Variants in TNS1 observed in about 807,000 individuals in gnomAD.
The protein encoded by TNS1 is tensin 1.
Under a neutral mutation model 168.6 loss-of-function variants are expected in TNS1, and 62 were observed. That is an observed-to-expected ratio of 0.37 (90% CI 0.30 to 0.45). The LOEUF (loss-of-function observed/expected upper bound fraction) is 0.45, where lower values mean the gene tolerates loss of function less well. Among genes scored for constraint, TNS1 ranks in the 20% least tolerant of loss-of-function variants. The pLI is 1.00. For synonymous variants in TNS1, 934 were observed against 933.2 expected (o/e 1.00, Z -0.02); for missense variants, 2,240 against 2,339.4 (o/e 0.96, Z 0.88).
At chr2:217,906,002 C>G (rs556093324) in intron 6 of TNS1, among the ~76,000 whole-genome samples, 2 of 152,354 alleles carry the variant, frequency 1.3e-5, no homozygotes, top group South Asian at 4.1e-4. Flanking sequence ...CCTTCTCTGC[C>G]TCAGCCCTCG....
chr2:217,912,152 G>A (rs1954486750), intron 4 of TNS1, among the ~76,000 whole-genome samples: 1 of 152,260 alleles, frequency 6.6e-6, no homozygotes, highest in African/African-American at 2.4e-5. Flanking sequence ...GTTGGGGGGT[G>A]GCTGCCAGGA....
In TNS1 at chr2:217,979,080, AG is replaced by A. The variant is rs970268279; in HGVS notation, c.149-279del. On this transcript the variant is annotated intron_variant, in intron 2 of 32. Coordinates refer to ENST00000682258, the MANE Select transcript of TNS1 (RefSeq NM_001387777.1). ...GGGTGCGGGAAGGTGGGGGGAGCAAAGGGGGGGGTCCCCCACTGGACCCCTG... is the reference window on the plus strand; with the variant it reads ...GGGTGCGGGAAGGTGGGGGGAGCAAAGGGGGGGTCCCCCACTGGACCCCTG... 1.2e-3 allele frequency: 434 copies of A among 371,524 alleles called. 1 individual carries two copies. Among genetic ancestry groups the A allele is most frequent in the Admixed American group, 1.7e-3 (40 of 23,180 alleles). 23.0% of individuals were successfully genotyped at this position (371,524 alleles called of 1,614,324 possible).
At chr2:218,001,233 C>G (rs1958557348) in intron 1 of TNS1, among the ~76,000 whole-genome samples, 1 of 152,142 alleles carries the variant, frequency 6.6e-6, no homozygotes, top group African/African-American at 2.4e-5. Flanking sequence ...CCAGACTCTT[C>G]CCCTTACTCT....
intron 18 of TNS1, among the ~76,000 whole-genome samples, chr2:217,856,374 G>C (rs1288263133): frequency 6.6e-6 from 1 of 152,180 alleles, no homozygotes; most frequent in African/African-American, 2.4e-5. Flanking sequence ...TTGGTGGCAG[G>C]GACTTCCTGG....
At chr2:218,017,451 C>A (rs1193340310) in intron 1 of TNS1, among the ~76,000 whole-genome samples, 2 of 152,256 alleles carry the variant, frequency 1.3e-5, no homozygotes, top group Non-Finnish European at 2.9e-5. Context: ...CTGGGAGCCT[C>A]AGTGTCCTCA....
At chr2:218,005,420 C>G (rs943377219), upstream of TNS1, among the ~76,000 whole-genome samples, 3 of 152,220 alleles carry the variant, frequency 2.0e-5, no homozygotes, top group Non-Finnish European at 4.4e-5. Context: ...CCAGAATACC[C>G]CCATCCCTCT....
chr2:217,968,400 C>T (rs1209115147), intron 3 of TNS1, among the ~76,000 whole-genome samples: 1 of 151,990 alleles, frequency 6.6e-6, no homozygotes, highest in Non-Finnish European at 1.5e-5. Context: ...CTAAGGAACC[C>T]CTTAAATACT....
At chr2:217,971,342 G>A (rs1427399389) in intron 3 of TNS1, among the ~76,000 whole-genome samples, 5 of 152,188 alleles carry the variant, frequency 3.3e-5, no homozygotes, top group Admixed American at 2.6e-4. Context: ...CCCTTTTTGT[G>A]TCTGGCTTCT....
chr2:218,023,540 G>A (rs555079137), intron 1 of TNS1, among the ~76,000 whole-genome samples: 7 of 152,256 alleles, frequency 4.6e-5, no homozygotes, highest in African/African-American at 1.7e-4. Flanking sequence ...AGCAAGTGAA[G>A]AGGTCAACTA....
intron 3 of TNS1, among the ~76,000 whole-genome samples, chr2:217,922,141 G>A (rs370251410): frequency 2.0e-5 from 3 of 152,206 alleles, no homozygotes; most frequent in South Asian, 4.1e-4. Context: ...AGGGCTGGGG[G>A]AGAGGGTGCC....
intron 3 of TNS1, among the ~76,000 whole-genome samples, chr2:217,970,972 G>A (rs1957761876): frequency 6.6e-6 from 1 of 152,076 alleles, no homozygotes; most frequent in Admixed American, 6.5e-5. Context: ...ACATGGGATT[G>A]TGCTAGCACT....
chr2:217,980,506 C>G (rs62182225), intron 2 of TNS1, among the ~76,000 whole-genome samples: 3,048 of 117,404 alleles, frequency 0.026, 68 homozygotes, highest in African/African-American at 0.08. Flanking sequence ...TACACACACA[C>G]AGAGAGAGAG....
chr2:217,882,243 A>C, intron 17 of TNS1, 103 bp downstream of exon 17: 1 of 793,608 alleles, frequency 1.3e-6, no homozygotes, highest in Non-Finnish European at 2.1e-6. Context: ...GCCTCTCAAA[A>C]ATAACTTGAT....
At chr2:217,943,476 C>A (rs908336585) in intron 3 of TNS1, among the ~76,000 whole-genome samples, 26 of 152,182 alleles carry the variant, frequency 1.7e-4, no homozygotes, top group African/African-American at 6.3e-4. Context: ...CTTCCCCCTC[C>A]CTTGGTCCCT....
At chr2:217,865,263 C>G (rs1235111664) in intron 18 of TNS1, among the ~76,000 whole-genome samples, 1 of 152,114 alleles carries the variant, frequency 6.6e-6, no homozygotes, top group Non-Finnish European at 1.5e-5. Context: ...CTTCCTTCCC[C>G]AAATAAGCCC....
chr2:217,885,648 G>T, intron 15 of TNS1, 96 bp downstream of exon 15: 1 of 1,291,590 alleles, frequency 7.7e-7, no homozygotes, highest in African/African-American at 1.5e-5. Context: ...AGCCCAGGAG[G>T]AGTACCTGTC....
Position 217,849,184 on chromosome 2 carries a change from C to T in TNS1, c.1430-97G>A, listed in dbSNP as rs1018757648. On this transcript the variant is annotated intron_variant, in intron 18 of 32. Coordinates refer to ENST00000682258, the MANE Select transcript of TNS1 (RefSeq NM_001387777.1). ...CTGCCAGAGAAAGAAGCTAAGAGCT[C>T]CCATGCCCTGCATCCTAAAACCTCC... 4.9e-6 allele frequency: 7 copies of T among 1,437,328 alleles called. No individual in the cohort carries two copies. The Admixed American group carries it at 8.5e-5, about 17-fold the overall frequency. 89.0% of individuals were successfully genotyped at this position (1,437,328 alleles called of 1,614,324 possible).
intron 30 of TNS1, chr2:217,809,604 G>GATGGATGGGTGC: frequency 1.8e-5 from 2 of 111,078 alleles, no homozygotes; most frequent in Non-Finnish European, 3.4e-5. Flanking sequence ...TGGATGGATG[G>GATGGATGGGTGC]ATGGATGGGT....
intron 3 of TNS1, among the ~76,000 whole-genome samples, chr2:217,932,785 G>A (rs1392027959): frequency 6.6e-6 from 1 of 152,156 alleles, no homozygotes; most frequent in African/African-American, 2.4e-5. Context: ...CGTTTTTCCT[G>A]AGCTCTGAAT....
Sources: allele counts gnomAD v4.1 joint callset (sites outside exome capture counted in the v4.1 genomes callset), GRCh38; gene constraint gnomAD v4.1.1; transcripts MANE v1.5; gene names NCBI Gene and HGNC (gene_info 2026-07-23, HGNC 2026-07-21).